Variants in ATXN10 observed in about 807,000 individuals in gnomAD.
The protein encoded by ATXN10 is ataxin-10.
In ATXN10, 28 loss-of-function variants were observed where a neutral mutation model predicts 52.9. The observed-to-expected ratio is 0.53, with a 90% CI of 0.39 to 0.73. The LOEUF is 0.73. Among genes scored for constraint, ATXN10 ranks in the 30% least tolerant of loss-of-function variants. The pLI is 0.00. For synonymous variants in ATXN10, 226 were observed against 221.5 expected (o/e 1.02, Z -0.18); for missense variants, 565 against 577.0 (o/e 0.98, Z 0.21).
intron 9 of ATXN10, among the ~76,000 whole-genome samples, chr22:45,742,894 C>T (rs1319217482): frequency 6.6e-6 from 1 of 152,188 alleles, no homozygotes; most frequent in Admixed American, 6.5e-5. Flanking sequence ...GAATAAAGCA[C>T]TTTACCTTTT....
intron 6 of ATXN10, among the ~76,000 whole-genome samples, chr22:45,719,380 C>G (rs1924564309): frequency 6.6e-6 from 1 of 151,836 alleles, no homozygotes; most frequent in Admixed American, 6.6e-5. Flanking sequence ...CATTTTTCTT[C>G]TTTAATATCT....
intron 9 of ATXN10, chr22:45,793,827 C>T (rs180858448): frequency 1.0e-4 from 132 of 1,293,456 alleles, no homozygotes; most frequent in African/African-American, 6.9e-4. Flanking sequence ...TGGCTTTGCC[C>T]GGGAAATAAT....
chr22:45,773,272 C>CA lies in ATXN10; in HGVS notation c.1173+32734_1173+32735insA, dbSNP rs1389799157. On this transcript the variant is annotated intron_variant, in intron 9 of 11. Coordinates refer to ENST00000252934, the MANE Select transcript of ATXN10 (RefSeq NM_013236.4). ...GGATTCTCTACATAAACAATCATATCCTGTGAATAAGGATGAAGTTTTATT... is the reference window on the plus strand; with the variant it reads ...GGATTCTCTACATAAACAATCATATCACTGTGAATAAGGATGAAGTTTTATT... Among the ~76,000 whole-genome samples the CA allele has an allele frequency of 4.6e-5, 7 of 152,064 alleles. No individual in the cohort carries two copies. The South Asian group carries it at 1.5e-3, about 32-fold the overall frequency.
rs552303126 is a variant in ATXN10, at chr22:45,732,314, C to T, written c.894+2724C>T. On this transcript the variant is annotated intron_variant, in intron 7 of 11. Coordinates refer to ENST00000252934, the MANE Select transcript of ATXN10 (RefSeq NM_013236.4). This position sits in a 1 kb window ranked among gnomAD's most constrained non-coding sequence, Gnocchi z 4.5. ...ACAAAAAAAAAACACAAAGAATTAG[C>T]TGGGTGTGGTGGTGTGTGCCTGTGT... Among the ~76,000 whole-genome samples, 53 of 151,900 alleles carry T rather than the reference C, an allele frequency of 3.5e-4. No individual in the cohort carries two copies. In the South Asian group the frequency reaches 7.7e-3, roughly 22 times the overall value.
At position 45,671,989 on chromosome 22, in the gene ATXN10, T is replaced by C; in HGVS notation, c.-75T>C. On this transcript the variant is annotated 5_prime_UTR_variant, in exon 1 of 12. Transcript: ENST00000252934. Reference sequence around the variant, plus strand: ...TCCTCCTCGCCATCCTACTCCTCCCTCCTCGTCATCCTCCCCCTTCGTCCT... The same window carrying C: ...TCCTCCTCGCCATCCTACTCCTCCCCCCTCGTCATCCTCCCCCTTCGTCCT... 6.7e-7 allele frequency: 1 copy of C among 1,485,382 alleles called. No homozygotes were observed. Among genetic ancestry groups the C allele is most frequent in the Non-Finnish European group, 9.0e-7 (1 of 1,106,576 alleles). The allele number at this position is 1,485,382 out of a possible 1,614,324, so 92.0% of individuals were successfully genotyped here.
chr22:45,686,049 G>A (rs902764533), intron 1 of ATXN10, among the ~76,000 whole-genome samples: 1 of 152,176 alleles, frequency 6.6e-6, no homozygotes, highest in Non-Finnish European at 1.5e-5. Flanking sequence ...AATCTGACAC[G>A]TTTTTAAGTT....
Position 45,843,565 on chromosome 22 carries a change from T to C in ATXN10, c.1426-104T>C. ...AATTGTTTTAGGTTTCTCTAAGTTA[T>C]TTGTCACCACTGACCAAAGTTCTGG... On this transcript the variant is annotated intron_variant, in intron 11 of 11. Transcript: ENST00000252934. This position sits in a 1 kb window ranked among gnomAD's most constrained non-coding sequence, Gnocchi z 4.5. 2.9e-6 allele frequency: 3 copies of C among 1,046,366 alleles called. No individual in the cohort carries two copies. Among genetic ancestry groups the C allele is most frequent in the Non-Finnish European group, 4.4e-6 (3 of 677,914 alleles). 64.8% of individuals were successfully genotyped at this position (1,046,366 alleles called of 1,614,324 possible).
intron 9 of ATXN10, among the ~76,000 whole-genome samples, chr22:45,742,532 A>T (rs974978642): frequency 1.9e-5 from 1 of 53,862 alleles, no homozygotes; most frequent in African/African-American, 1.9e-4. Context: ...ATCTAAAATA[A>T]AAAAAAAAAA....
At chr22:45,749,260 C>A (rs1205392013) in intron 9 of ATXN10, among the ~76,000 whole-genome samples, 1 of 152,112 alleles carries the variant, frequency 6.6e-6, no homozygotes, top group Non-Finnish European at 1.5e-5. Context: ...TTAATGGACG[C>A]TGGATGACTT....
intron 9 of ATXN10, among the ~76,000 whole-genome samples, chr22:45,785,456 G>A (rs1927290498): frequency 6.6e-6 from 1 of 152,140 alleles, no homozygotes; most frequent in Admixed American, 6.5e-5. Context: ...TCTTTATAAA[G>A]AATGCAACAA....
intron 9 of ATXN10, among the ~76,000 whole-genome samples, chr22:45,796,913 A>C (rs1927761486): frequency 6.6e-6 from 1 of 152,380 alleles, no homozygotes; most frequent in South Asian, 2.1e-4. Context: ...GTAAACACTT[A>C]TAAGAAAGCT....
chr22:45,740,770 A>G (rs920590111), intron 9 of ATXN10: 8 of 235,592 alleles, frequency 3.4e-5, no homozygotes, highest in South Asian at 1.1e-4. Context: ...ATATATATGT[A>G]TATGTTAATA....
At position 45,688,779 on chromosome 22, in the gene ATXN10, A is replaced by G. The variant is rs755928540; in HGVS notation, c.117-933A>G. Among the ~76,000 whole-genome samples the G allele has an allele frequency of 6.0e-4, 91 of 152,220 alleles. No homozygotes were observed. The highest frequency in any genetic ancestry group is 2.6e-4 in the Non-Finnish European group (18 of 68,042). ...GAAGGAGAAAATTCATATGGTCTGA[A>G]TCATTTGGCATTTATAGAATCTCTT... On this transcript the variant is annotated intron_variant, in intron 1 of 11. Transcript: ENST00000252934. This position sits in a 1 kb window ranked among gnomAD's most constrained non-coding sequence, Gnocchi z 4.0.
chr22:45,752,761 G>A (rs981503523), intron 9 of ATXN10, among the ~76,000 whole-genome samples: 2 of 150,426 alleles, frequency 1.3e-5, no homozygotes, highest in African/African-American at 4.9e-5. Context: ...TTTTTGAGAC[G>A]GAGTTTTGCT....
chr22:45,799,921 A>G (rs996133996), intron 9 of ATXN10, among the ~76,000 whole-genome samples: 1 of 152,218 alleles, frequency 6.6e-6, no homozygotes, highest in Non-Finnish European at 1.5e-5. Flanking sequence ...ATATTTTTCA[A>G]CAATGGCACT....
chr22:45,827,379 TA>T (rs1362214812), intron 10 of ATXN10, among the ~76,000 whole-genome samples: 1 of 152,098 alleles, frequency 6.6e-6, no homozygotes, highest in Non-Finnish European at 1.5e-5. Context: ...ACAGAATGGA[TA>T]AAAACACTTG....
At chr22:45,726,137 C>T (rs1924859380) in intron 6 of ATXN10, among the ~76,000 whole-genome samples, 1 of 152,034 alleles carries the variant, frequency 6.6e-6, no homozygotes, top group South Asian at 2.1e-4. Flanking sequence ...TCCTTTACTG[C>T]TTTTGGTATC....
chr22:45,714,982 C>T (rs2146769783), intron 5 of ATXN10, among the ~76,000 whole-genome samples: 1 of 152,298 alleles, frequency 6.6e-6, no homozygotes, highest in East Asian at 1.9e-4. Context: ...CGTCCTTGCC[C>T]TAGTCCCTAT....
chr22:45,842,622 A>G lies in ATXN10; in HGVS notation c.1238-369A>G, dbSNP rs1569085838. On this transcript the variant is annotated intron_variant, in intron 10 of 11. Transcript: ENST00000252934. The surrounding 1 kb of genome is among the most constrained non-coding windows in gnomAD (Gnocchi z 4.8). ...AGTAACATAATTATTCAACAAAGGA[A>G]TGTGTGTGTGTGCACGCACACACGT... Among the ~76,000 whole-genome samples, 1 of 151,992 alleles carries G rather than the reference A, an allele frequency of 6.6e-6. No homozygotes were observed. Among genetic ancestry groups the G allele is most frequent in the African/African-American group, 2.4e-5 (1 of 41,380 alleles).
Sources: allele counts gnomAD v4.1 joint callset (sites outside exome capture counted in the v4.1 genomes callset), GRCh38; gene constraint gnomAD v4.1.1; non-coding constraint Gnocchi (gnomAD v3.1); transcripts MANE v1.5; gene names NCBI Gene and HGNC (gene_info 2026-07-23, HGNC 2026-07-21).